The following INPP4B variants were observed in gnomAD, a reference collection of about 807,000 sequenced individuals.
The protein encoded by INPP4B is inositol polyphosphate 4-phosphatase type II.
INPP4B carries 55 observed loss-of-function variants against 122.5 expected under a neutral mutation model. That is an observed-to-expected ratio of 0.45 (90% CI 0.36 to 0.56). The LOEUF (loss-of-function observed/expected upper bound fraction) is 0.56. Among genes scored for constraint, INPP4B ranks in the 20% least tolerant of loss-of-function variants. The pLI is 0.00. For missense variants in INPP4B, 1,000 were observed against 1,097.7 expected, an observed-to-expected ratio of 0.91 and a Z score of 1.26; for synonymous variants, 403 against 388.7, an observed-to-expected ratio of 1.04 and a Z score of -0.43.
intron 23 of INPP4B, among the ~76,000 whole-genome samples, chr4:142,095,126 T>C (rs1781266773): frequency 6.6e-6 from 1 of 152,188 alleles, no homozygotes; most frequent in South Asian, 2.1e-4. Context: ...GATAATTTTA[T>C]CCTTGAGACT....
At chr4:142,041,369 G>T (rs761658186) in intron 25 of INPP4B, among the ~76,000 whole-genome samples, 7 of 152,038 alleles carry the variant, frequency 4.6e-5, no homozygotes, top group Non-Finnish European at 1.0e-4. Flanking sequence ...TGTAATCCCA[G>T]CACTTTGGGA....
intron 2 of INPP4B, among the ~76,000 whole-genome samples, chr4:142,689,793 C>T (rs1426134206): frequency 6.6e-6 from 1 of 152,002 alleles, no homozygotes; most frequent in Non-Finnish European, 1.5e-5. Context: ...CAAATTCTGC[C>T]GTACATAAAT....
chr4:142,299,602 C>T (rs927579994), intron 9 of INPP4B, among the ~76,000 whole-genome samples: 1 of 151,112 alleles, frequency 6.6e-6, no homozygotes, highest in Non-Finnish European at 1.5e-5. Flanking sequence ...TCCATCCATG[C>T]TTTCCATCCA....
chr4:142,481,288 C>T (rs1380364920), intron 2 of INPP4B, among the ~76,000 whole-genome samples: 1 of 151,710 alleles, frequency 6.6e-6, no homozygotes. Context: ...TTCCGGTACC[C>T]CTAAAGACAC....
At chr4:142,807,093 T>C (rs1227913875) in intron 1 of INPP4B, among the ~76,000 whole-genome samples, 9 of 152,244 alleles carry the variant, frequency 5.9e-5, no homozygotes. Flanking sequence ...CATCTAGAAA[T>C]GATGCACAAG....
chr4:142,307,494 C>CAATGAATG, intron 8 of INPP4B, among the ~76,000 whole-genome samples: 1 of 152,208 alleles, frequency 6.6e-6, no homozygotes, highest in Non-Finnish European at 1.5e-5. Flanking sequence ...TATTTACTGA[C>CAATGAATG]AATGAATGAA....
intron 7 of INPP4B, among the ~76,000 whole-genome samples, chr4:142,326,647 C>T (rs551298162): frequency 6.6e-6 from 1 of 152,266 alleles, no homozygotes; most frequent in Admixed American, 6.5e-5. Flanking sequence ...AATCATTATG[C>T]TCGATCCATT....
At chr4:142,642,037 CTG>C (rs954267434) in intron 2 of INPP4B, among the ~76,000 whole-genome samples, 1 of 152,126 alleles carries the variant, frequency 6.6e-6, no homozygotes, top group Non-Finnish European at 1.5e-5. Flanking sequence ...GCATTTTTTT[CTG>C]TGTCTGTTGG....
intron 2 of INPP4B, among the ~76,000 whole-genome samples, chr4:142,589,379 A>G (rs1736938041): frequency 6.6e-6 from 1 of 152,100 alleles, no homozygotes; most frequent in South Asian, 2.1e-4. Context: ...AGAATAAAAT[A>G]TTTGCAGAAC....
chr4:142,615,452 A>G (rs1743493009), intron 2 of INPP4B, among the ~76,000 whole-genome samples: 1 of 152,182 alleles, frequency 6.6e-6, no homozygotes, highest in Non-Finnish European at 1.5e-5. Flanking sequence ...GTCAGCAGAA[A>G]GGAATGTTTT....
At chr4:142,360,257 G>T (rs947443381) in intron 7 of INPP4B, among the ~76,000 whole-genome samples, 1 of 151,864 alleles carries the variant, frequency 6.6e-6, no homozygotes, top group African/African-American at 2.4e-5. Context: ...ATCTATAAGG[G>T]TAAATGAGTA....
chr4:142,326,379 G>A (rs1484489077), intron 7 of INPP4B, among the ~76,000 whole-genome samples: 1 of 152,176 alleles, frequency 6.6e-6, no homozygotes, highest in Non-Finnish European at 1.5e-5. Context: ...GTGTTTTATA[G>A]GCACTAAAGA....
intron 12 of INPP4B, among the ~76,000 whole-genome samples, chr4:142,232,380 G>A (rs1264725100): frequency 3.3e-5 from 5 of 152,008 alleles, no homozygotes; most frequent in Non-Finnish European, 5.9e-5. Flanking sequence ...TAGAACTGTT[G>A]CAATGTTTTC....
intron 7 of INPP4B, among the ~76,000 whole-genome samples, chr4:142,378,522 T>A (rs897344090): frequency 2.0e-5 from 3 of 152,184 alleles, no homozygotes; most frequent in African/African-American, 7.2e-5. Context: ...AACTATTTAT[T>A]CCACATGTAT....
intron 7 of INPP4B, among the ~76,000 whole-genome samples, chr4:142,363,750 C>T (rs181192948): frequency 1.7e-4 from 26 of 152,048 alleles, no homozygotes; most frequent in African/African-American, 6.0e-4. Context: ...TATAATGTTG[C>T]CCTAGATTTA....
chr4:142,845,272 G>A (rs969267117), intron 1 of INPP4B, among the ~76,000 whole-genome samples: 1 of 152,136 alleles, frequency 6.6e-6, no homozygotes, highest in Admixed American at 6.5e-5. Context: ...AAGGAAGGGA[G>A]AATTCAGAAG....
At chr4:142,744,460 T>TA (rs1418650333) in intron 1 of INPP4B, among the ~76,000 whole-genome samples, 1 of 151,722 alleles carries the variant, frequency 6.6e-6, no homozygotes, top group African/African-American at 2.4e-5. Context: ...GAAAAAATCC[T>TA]AAAAAAGATC....
At chr4:142,084,227 G>A (rs1321769646) in intron 24 of INPP4B, among the ~76,000 whole-genome samples, 3 of 152,104 alleles carry the variant, frequency 2.0e-5, no homozygotes, top group Non-Finnish European at 2.9e-5. Flanking sequence ...TGGTTCAAGC[G>A]ATTCTCCTGC....
At chr4:142,071,232 G>A (rs1054190357) in intron 25 of INPP4B, among the ~76,000 whole-genome samples, 22 of 152,102 alleles carry the variant, frequency 1.4e-4, no homozygotes, top group African/African-American at 4.6e-4. Context: ...ACAAGAAATA[G>A]GGAAAGGATT....
Sources: gnomAD v4.1 joint callset for allele counts (sites outside exome capture counted in the v4.1 genomes callset) on GRCh38, gnomAD v4.1.1 for gene constraint, MANE v1.5 for transcripts, NCBI Gene and HGNC (gene_info 2026-07-23, HGNC 2026-07-21) for gene names.